Variants in IPCEF1 observed in about 807,000 individuals in gnomAD.
IPCEF1 encodes the protein interactor protein for cytohesin exchange factors 1.
IPCEF1 carries 31 observed loss-of-function variants against 50.9 expected under a neutral mutation model. The observed-to-expected ratio is 0.61, with a 90% CI of 0.46 to 0.82. The LOEUF (loss-of-function observed/expected upper bound fraction) is 0.82. Among genes scored for constraint, IPCEF1 ranks in the 40% least tolerant of loss-of-function variants. The probability of loss-of-function intolerance (pLI) is 0.00; values close to 1 mark genes in which losing one functional copy is unlikely to be tolerated. For synonymous variants in IPCEF1, 181 were observed against 192.0 expected, an observed-to-expected ratio of 0.94 and a Z score of 0.47; for missense variants, 458 against 514.0, an observed-to-expected ratio of 0.89 and a Z score of 1.05.
intron 6 of IPCEF1, among the ~76,000 whole-genome samples, chr6:154,222,374 TAA>T (rs1217114142): frequency 9.2e-5 from 14 of 152,160 alleles, no homozygotes; most frequent in Admixed American, 8.5e-4. Flanking sequence ...CTAACCTTGT[TAA>T]AAGAAAACTA....
chr6:154,330,361 ATC>A (rs1783629101), intron 1 of IPCEF1, among the ~76,000 whole-genome samples: 1 of 112,524 alleles, frequency 8.9e-6, no homozygotes, highest in Non-Finnish European at 1.7e-5. Flanking sequence ...TTAAGACAGG[ATC>A]TCTCTCTGTC....
At chr6:154,322,061 T>C (rs1416936835) in intron 1 of IPCEF1, among the ~76,000 whole-genome samples, 12 of 152,092 alleles carry the variant, frequency 7.9e-5, no homozygotes, top group Admixed American at 1.3e-4. Flanking sequence ...AATCAATATA[T>C]ATCATCATAT....
At chr6:154,233,481 C>A (rs1041694318) in intron 5 of IPCEF1, among the ~76,000 whole-genome samples, 5 of 152,040 alleles carry the variant, frequency 3.3e-5, no homozygotes, top group African/African-American at 1.2e-4. Flanking sequence ...AGATTTAGAT[C>A]CAGAGAGACT....
At chr6:154,312,070 C>T (rs918096065) in intron 1 of IPCEF1, among the ~76,000 whole-genome samples, 13 of 152,050 alleles carry the variant, frequency 8.5e-5, no homozygotes, top group East Asian at 1.9e-4. Context: ...CTTTGTCCAT[C>T]GACAGATGAA....
chr6:154,185,640 C>T (rs1801273333), intron 10 of IPCEF1, among the ~76,000 whole-genome samples: 1 of 152,126 alleles, frequency 6.6e-6, no homozygotes, highest in Non-Finnish European at 1.5e-5. Flanking sequence ...ATTATGATTA[C>T]CTCAATTCCT....
rs577380960 is a variant in IPCEF1 at position 154,346,329 on chromosome 6, T to TAA, written c.-62+10341_-62+10342dup. On this transcript the variant is annotated intron_variant, in intron 1 of 11. Transcript: ENST00000367220. Reference sequence around the variant, plus strand: ...GCATTCTATATGTACTAAGGAAAAATAATTATTTTAAAAAATTTAAGCTCT... The same window carrying TAA: ...GCATTCTATATGTACTAAGGAAAAATAAAATTATTTTAAAAAATTTAAGCTCT... 1.6e-4 allele frequency among the ~76,000 whole-genome samples: 24 copies of TAA among 152,220 alleles called. 1 individual carries two copies. In the South Asian group the frequency reaches 2.3e-3, roughly 15 times the overall value.
At chr6:154,313,841 T>A (rs1287721818) in intron 1 of IPCEF1, among the ~76,000 whole-genome samples, 1 of 152,114 alleles carries the variant, frequency 6.6e-6, no homozygotes, top group Non-Finnish European at 1.5e-5. Flanking sequence ...ACTACAGGAC[T>A]CAGGCAATCC....
intron 5 of IPCEF1, among the ~76,000 whole-genome samples, chr6:154,235,568 T>C (rs1780066448): frequency 6.6e-6 from 1 of 151,176 alleles, no homozygotes; most frequent in Non-Finnish European, 1.5e-5. Context: ...AAGACAAAGT[T>C]AAGTCTTTTA....
At chr6:154,266,157 C>T (rs901284165) in intron 2 of IPCEF1, among the ~76,000 whole-genome samples, 193 bp from the exon 3 acceptor site, 5 of 152,144 alleles carry the variant, frequency 3.3e-5, no homozygotes, top group African/African-American at 7.2e-5. Flanking sequence ...GAGGCCAAGG[C>T]AGGAGGATTG....
At chr6:154,194,340 C>T (rs912891010) in intron 10 of IPCEF1, among the ~76,000 whole-genome samples, 6 of 151,868 alleles carry the variant, frequency 4.0e-5, no homozygotes, top group Admixed American at 1.3e-4. Flanking sequence ...CAGAGGTTGC[C>T]GTGAGCTGAG....
intron 2 of IPCEF1, among the ~76,000 whole-genome samples, chr6:154,279,082 G>C (rs887284148): frequency 6.6e-6 from 1 of 150,642 alleles, no homozygotes; most frequent in African/African-American, 2.4e-5. Context: ...TTGAGATCGT[G>C]CCACCGCAAA....
chr6:154,252,327 A>G (rs1671611105), intron 3 of IPCEF1, among the ~76,000 whole-genome samples: 1 of 152,184 alleles, frequency 6.6e-6, no homozygotes, highest in South Asian at 2.1e-4. Flanking sequence ...AGGGAGGAAT[A>G]CAAGAGAAAG....
intron 5 of IPCEF1, among the ~76,000 whole-genome samples, chr6:154,241,127 T>C (rs1421290835): frequency 6.6e-6 from 1 of 150,972 alleles, no homozygotes; most frequent in Non-Finnish European, 1.5e-5. Flanking sequence ...TCCCAGCTAC[T>C]CAGGAGGCTG....
At chr6:154,241,917 CT>C (rs1455847592) in intron 5 of IPCEF1, among the ~76,000 whole-genome samples, 3 of 152,168 alleles carry the variant, frequency 2.0e-5, no homozygotes, top group African/African-American at 7.2e-5. Context: ...AATGGAGAAG[CT>C]ATGCAGCCTG....
intron 1 of IPCEF1, among the ~76,000 whole-genome samples, chr6:154,318,339 C>T (rs966038905): frequency 1.3e-5 from 2 of 151,926 alleles, no homozygotes; most frequent in African/African-American, 4.8e-5. Context: ...AGACCAAGAC[C>T]CAATAAAATA....
intron 3 of IPCEF1, among the ~76,000 whole-genome samples, chr6:154,252,990 A>G (rs948114300): frequency 3.9e-5 from 6 of 152,226 alleles, no homozygotes; most frequent in Non-Finnish European, 7.3e-5. Flanking sequence ...CACTTCAACA[A>G]TACAGTATCA....
chr6:154,348,068 G>T (rs930576504), intron 1 of IPCEF1, among the ~76,000 whole-genome samples: 1 of 152,054 alleles, frequency 6.6e-6, no homozygotes, highest in Non-Finnish European at 1.5e-5. Context: ...TTGGTGACTC[G>T]GTGTCTCTCT....
At chr6:154,292,442 A>G (rs1358559788) in intron 1 of IPCEF1, among the ~76,000 whole-genome samples, 3 of 152,244 alleles carry the variant, frequency 2.0e-5, no homozygotes, top group Admixed American at 1.3e-4. Context: ...TTTGCGCTAC[A>G]ATCGCATGAG....
chr6:154,330,561 C>T lies in IPCEF1; in HGVS notation c.-62+26111G>A, dbSNP rs529785337. ...GGCTGGTCTAAGTCCTGGGCTCAAG[C>T]GATCCACCCGCCTCACCTCCCAAAG... On this transcript the variant is annotated intron_variant, in intron 1 of 11. Transcript: ENST00000367220. Among the ~76,000 whole-genome samples the T allele has an allele frequency of 7.2e-5, 11 of 152,026 alleles. No individual in the cohort carries two copies. In the East Asian group the frequency reaches 1.9e-3, roughly 27 times the overall value.
Sources: allele counts gnomAD v4.1 joint callset (sites outside exome capture counted in the v4.1 genomes callset), GRCh38; gene constraint gnomAD v4.1.1; transcripts MANE v1.5; gene names NCBI Gene and HGNC (gene_info 2026-07-23, HGNC 2026-07-21).